The following KIZ variants were observed in gnomAD, a reference collection of about 807,000 sequenced individuals.
The protein encoded by KIZ is centrosomal protein kizuna.
In KIZ, 68 loss-of-function variants were observed where a neutral mutation model predicts 79.6. That is an observed-to-expected ratio of 0.85 (90% CI 0.70 to 1.05). KIZ has a LOEUF of 1.05. Ranked by LOEUF, KIZ falls within the 50% of genes least tolerant of loss-of-function variation. The probability of loss-of-function intolerance (pLI) is 0.00; values close to 1 mark genes in which losing one functional copy is unlikely to be tolerated. For synonymous variants in KIZ, 280 were observed against 281.8 expected (o/e 0.99, Z 0.06); for missense variants, 797 against 800.4 (o/e 1.00, Z 0.05).
At chr20:21,194,420 A>G (rs546490155) in intron 6 of KIZ, 11 of 152,382 alleles carry the variant, frequency 7.2e-5, no homozygotes, top group Middle Eastern at 3.4e-3. Context: ...CAGTGTTTCT[A>G]TAACACATAG....
At chr20:21,140,081 G>A (rs549512757) in intron 3 of KIZ, among the ~76,000 whole-genome samples, 1 of 152,282 alleles carries the variant, frequency 6.6e-6, no homozygotes, top group Non-Finnish European at 1.5e-5. Flanking sequence ...TGTGCAGTGA[G>A]CTGAGGTTCA....
At chr20:21,182,202 A>C (rs6035809) in intron 6 of KIZ, among the ~76,000 whole-genome samples, 4 of 152,244 alleles carry the variant, frequency 2.6e-5, no homozygotes, top group African/African-American at 9.6e-5. Flanking sequence ...GATAGAATTA[A>C]ATGCACTTAT....
At chr20:21,240,858 G>A (rs1271078822) in intron 11 of KIZ, among the ~76,000 whole-genome samples, 3 of 152,236 alleles carry the variant, frequency 2.0e-5, no homozygotes, top group African/African-American at 7.2e-5. Flanking sequence ...ACATCTTTTA[G>A]TTTACAAATT....
chr20:21,131,511 G>A lies in KIZ; in HGVS notation c.90-586G>A, dbSNP rs1056933636. 2.8e-4 allele frequency among the ~76,000 whole-genome samples: 43 copies of A among 152,318 alleles called. 1 individual carries two copies. Among genetic ancestry groups the A allele is most frequent in the Non-Finnish European group, 1.5e-4 (10 of 68,024 alleles). On this transcript the variant is annotated intron_variant, in intron 1 of 12. Transcript: ENST00000619189. ...TGGCTGTGCCCAGGCTTGTCTGGTTGAAAACAGAGCAAGCCACCAGTCTTC... is the reference window on the plus strand; with the variant it reads ...TGGCTGTGCCCAGGCTTGTCTGGTTAAAAACAGAGCAAGCCACCAGTCTTC...
At chr20:21,200,898 A>G (rs964951123) in intron 6 of KIZ, among the ~76,000 whole-genome samples, 2 of 152,170 alleles carry the variant, frequency 1.3e-5, no homozygotes, top group Admixed American at 1.3e-4. Flanking sequence ...TAAGACCTTC[A>G]TATGGGCCAG....
chr20:21,209,648 G>A (rs894293699), intron 7 of KIZ, among the ~76,000 whole-genome samples: 1 of 152,224 alleles, frequency 6.6e-6, no homozygotes, highest in Non-Finnish European at 1.5e-5. Context: ...GTTGATGCTT[G>A]CATTTCTCTT....
intron 6 of KIZ, among the ~76,000 whole-genome samples, chr20:21,187,512 G>A (rs747015877): frequency 5.9e-5 from 9 of 152,122 alleles, no homozygotes; most frequent in Non-Finnish European, 1.0e-4. Flanking sequence ...TGCCTGAGCC[G>A]AAATTCAGTA....
At chr20:21,126,044 G>C (rs2031428278), upstream of KIZ, 11 of 1,411,608 alleles carry the variant, frequency 7.8e-6, no homozygotes, top group Non-Finnish European at 1.0e-5. Flanking sequence ...TGCATGGTGG[G>C]GCGGTCTCCT....
intron 4 of KIZ, among the ~76,000 whole-genome samples, chr20:21,160,708 A>C (rs1178362396): frequency 6.6e-6 from 1 of 152,172 alleles, no homozygotes; most frequent in Non-Finnish European, 1.5e-5. Context: ...CATATATTGA[A>C]ATTCTAATCC....
intron 6 of KIZ, among the ~76,000 whole-genome samples, chr20:21,174,100 C>T (rs557723956): frequency 2.4e-3 from 361 of 152,224 alleles, no homozygotes; most frequent in Non-Finnish European, 3.9e-3. Context: ...GTTTAGAAAG[C>T]TTAAATAACC....
rs73115951 is a variant in KIZ at position 21,215,285 on chromosome 20, C to T, written c.1613-298C>T. 3.7e-3 allele frequency among the ~76,000 whole-genome samples: 563 copies of T among 152,302 alleles called. 2 individuals carry two copies. Among genetic ancestry groups the T allele is most frequent in the Non-Finnish European group, 5.0e-3 (337 of 68,022 alleles). On this transcript the variant is annotated intron_variant, in intron 8 of 12. Coordinates refer to ENST00000619189, the MANE Select transcript of KIZ (RefSeq NM_018474.6). ...CTCAGGAATTGCTCGAGTTGATGTACATGTGCAGGATGTGAGACTCACTTA... is the reference window on the plus strand; with the variant it reads ...CTCAGGAATTGCTCGAGTTGATGTATATGTGCAGGATGTGAGACTCACTTA...
At chr20:21,169,474 A>G (rs1256366390) in intron 6 of KIZ, among the ~76,000 whole-genome samples, 1 of 152,236 alleles carries the variant, frequency 6.6e-6, no homozygotes, top group Non-Finnish European at 1.5e-5. Context: ...CTTTTACACT[A>G]TTGATGGGAG....
At position 21,126,159 on chromosome 20, in the gene KIZ, A is replaced by G; in HGVS notation, c.44A>G (p.Asp15Gly). ...TCGGCCGTGCCCCTGTCGAGTCCCG[A>G]CTACTACGAGAGGCTGGGCCAACTC... Reference protein sequence around the residue: ...LASAVPLSSPDYYERLGQLQH... With the variant: ...LASAVPLSSPGYYERLGQLQH... Residue 15 changes from aspartate (D) to glycine (G), a missense_variant, in exon 1 of 13, where the codon GAC (aspartate) becomes GGC (glycine). By Grantham distance (94) the Asp-to-Gly change is moderately conservative. Coordinates refer to ENST00000619189, the MANE Select transcript of KIZ (RefSeq NM_018474.6). 1 of 1,511,566 alleles carries G rather than the reference A, an allele frequency of 6.6e-7. No homozygotes were observed. Among genetic ancestry groups the G allele is most frequent in the Admixed American group, 2.1e-5 (1 of 47,292 alleles). 93.6% of individuals were successfully genotyped at this position (1,511,566 alleles called of 1,614,324 possible).
chr20:21,220,261 C>G (rs888546408), intron 9 of KIZ, among the ~76,000 whole-genome samples: 4 of 151,804 alleles, frequency 2.6e-5, no homozygotes, highest in Middle Eastern at 3.4e-3. Flanking sequence ...GGTATCCCTG[C>G]CCTCACTAAG....
intron 11 of KIZ, among the ~76,000 whole-genome samples, chr20:21,236,626 T>G (rs2037015709): frequency 6.6e-6 from 1 of 152,158 alleles, no homozygotes; most frequent in Non-Finnish European, 1.5e-5. Context: ...CACACTCAAT[T>G]GGTGAGGCCT....
chr20:21,174,317 A>G (rs2122839028), intron 6 of KIZ, among the ~76,000 whole-genome samples: 1 of 152,306 alleles, frequency 6.6e-6, no homozygotes, highest in African/African-American at 2.4e-5. Context: ...ACTGAGGCAC[A>G]GGGAGTTATG....
intron 6 of KIZ, among the ~76,000 whole-genome samples, chr20:21,201,116 C>G (rs2123134741): frequency 6.6e-6 from 1 of 152,172 alleles, no homozygotes; most frequent in Non-Finnish European, 1.5e-5. Flanking sequence ...GATGTTAAGG[C>G]TGCAGTGAGC....
Position 21,246,251 on chromosome 20 carries a change from T to C in KIZ, c.1925-228T>C. On this transcript the variant is annotated intron_variant, in intron 12 of 12. Transcript: ENST00000619189. Reference sequence around the variant, plus strand: ...GCACAACAGAAGGGAAAAGGAAGTATTCTGCAAATTGTTTTCCATAACAGT... The same window carrying C: ...GCACAACAGAAGGGAAAAGGAAGTACTCTGCAAATTGTTTTCCATAACAGT... 3 of 523,552 alleles carry C rather than the reference T, an allele frequency of 5.7e-6. No individual in the cohort carries two copies. In the South Asian group the frequency reaches 8.2e-5, roughly 14 times the overall value. The allele number at this position is 523,552 out of a possible 1,614,324, so 32.4% of individuals were successfully genotyped here. A position where few individuals can be genotyped will look rare whatever the true frequency, so the allele number is the denominator to read the frequency against.
chr20:21,181,674 G>C (rs913447381), intron 6 of KIZ, among the ~76,000 whole-genome samples: 4 of 152,112 alleles, frequency 2.6e-5, no homozygotes, highest in Non-Finnish European at 5.9e-5. Context: ...GCCCAGGCTG[G>C]TCTTGAACTT....
Sources: gnomAD v4.1 joint callset for allele counts (sites outside exome capture counted in the v4.1 genomes callset) on GRCh38, gnomAD v4.1.1 for gene constraint, MANE v1.5 for transcripts, NCBI Gene and HGNC (gene_info 2026-07-23, HGNC 2026-07-21) for gene names.